CHORDC1: variants seen among roughly 807,000 people sequenced by gnomAD.
CHORDC1 encodes cysteine and histidine-rich domain-containing protein 1.
Under a neutral mutation model 48.3 loss-of-function variants are expected in CHORDC1, and 25 were observed. That is an observed-to-expected ratio of 0.52 (90% CI 0.38 to 0.72). The LOEUF (loss-of-function observed/expected upper bound fraction) is 0.72. CHORDC1 is among the 30% of genes least tolerant of loss of function. CHORDC1 has a pLI of 0.00. For synonymous variants in CHORDC1, 128 were observed against 126.4 expected, an observed-to-expected ratio of 1.01 and a Z score of -0.09; for missense variants, 317 against 388.7, an observed-to-expected ratio of 0.82 and a Z score of 1.55.
Position 90,203,333 on chromosome 11 carries a change from C to A in CHORDC1, c.764G>T (p.Ser255Ile). The A allele has an allele frequency of 6.3e-7, 1 of 1,596,438 alleles. No homozygotes were observed. Among genetic ancestry groups the A allele is most frequent in the Non-Finnish European group, 8.6e-7 (1 of 1,168,120 alleles). Reference protein sequence around the residue: ...VYAKNSLPELSRVEANSTLLN... With the variant: ...VYAKNSLPELIRVEANSTLLN... ...CAATGTGCTATTTGCTTCTACTCGG[C>A]TAAGTTCTGGAAGTGAGTTTTTAGC... is the stretch of plus-strand genomic sequence containing the variant. The change falls in exon 9 of 11, where the codon AGC (serine) becomes ATC (isoleucine). Residue 255 changes from serine to isoleucine, a missense_variant. Ser to Ile is a moderately radical substitution (Grantham distance 142, BLOSUM62 -2). Transcript: ENST00000320585.
intron 6 of CHORDC1, chr11:90,207,984 T>C (rs1376782237): frequency 1.3e-5 from 2 of 151,690 alleles, no homozygotes; most frequent in Non-Finnish European, 2.9e-5. Context: ...AGAGCCAACA[T>C]GACAGTTAAA....
chr11:90,206,291 GA>G lies in CHORDC1; in HGVS notation c.493-20del. The G allele has an allele frequency of 1.1e-5, 15 of 1,358,802 alleles. No individual in the cohort carries two copies. The highest frequency in any genetic ancestry group is 4.6e-5 in the East Asian group (2 of 43,456). 84.2% of individuals were successfully genotyped at this position (1,358,802 alleles called of 1,614,324 possible). A position where few individuals can be genotyped will look rare whatever the true frequency, so the allele number is the denominator to read the frequency against. ...GGTATGTCTAAAAAGGAAACAAAGA[GA>G]AAAAAAATTAGCTGCGTATCTTACA... On this transcript the variant is annotated intron_variant, in intron 6 of 10. Transcript: ENST00000320585.
At chr11:90,220,179 C>G (rs543642816) in intron 1 of CHORDC1, among the ~76,000 whole-genome samples, 9 of 152,216 alleles carry the variant, frequency 5.9e-5, no homozygotes, top group African/African-American at 2.2e-4. Context: ...ATTGAACACC[C>G]TTGCTCTATC....
intron 1 of CHORDC1, 95 bp from the exon 2 acceptor site, chr11:90,218,279 T>C: frequency 3.4e-6 from 3 of 888,030 alleles, no homozygotes; most frequent in Non-Finnish European, 3.3e-6. Context: ...CCTTTAATCC[T>C]TTTTCCAAAC....
rs1222653427 is a variant in CHORDC1, at chr11:90,201,821, T to C, written c.*584A>G. ...GCAAGTAATGTAAGTTTTGACATAA[T>C]TTAAAAATTCAAGTAGTTGTAAACA... On this transcript the variant is annotated 3_prime_UTR_variant, in exon 11 of 11. Transcript: ENST00000320585. 1.3e-5 allele frequency: 2 copies of C among 152,462 alleles called. No individual in the cohort carries two copies. The highest frequency in any genetic ancestry group is 2.4e-5 in the African/African-American group (1 of 41,448). 9.4% of individuals were successfully genotyped at this position (152,462 alleles called of 1,614,324 possible).
intron 1 of CHORDC1, among the ~76,000 whole-genome samples, chr11:90,221,086 G>A (rs554968409): frequency 1.3e-5 from 2 of 151,836 alleles, no homozygotes; most frequent in Non-Finnish European, 2.9e-5. Flanking sequence ...TTATGCCACA[G>A]CACCGAGAAA....
rs575649502 is a variant in CHORDC1 at position 90,203,455 on chromosome 11, T to TA, written c.670-29dup. 1.8e-3 allele frequency: 2,735 copies of TA among 1,497,504 alleles called. 5 individuals carry two copies. Among genetic ancestry groups the TA allele is most frequent in the Non-Finnish European group, 2.3e-3 (2,485 of 1,104,362 alleles). 92.8% of individuals were successfully genotyped at this position (1,497,504 alleles called of 1,614,324 possible). A position where few individuals can be genotyped will look rare whatever the true frequency, so the allele number is the denominator to read the frequency against. ...GTAATGTAAGAGAAACTCTGTAAGT[T>TA]AAAAAAGTGCCACATAATTAATTTC... On this transcript the variant is annotated intron_variant, in intron 8 of 10. Transcript: ENST00000320585.
chr11:90,210,536 CT>C lies in CHORDC1; in HGVS notation c.491del (p.Lys164ArgfsTer6). On this transcript the variant is annotated frameshift_variant and splice_region_variant, in exon 6 of 11. Transcript: ENST00000320585. LOFTEE classifies it high-confidence loss of function. ...GTSCKNGGCSKTYQGLESLEE... is the reference protein window; with the variant it reads ...GTSCKNGGCSXTYQGLESLEE... ...ACATCACAAATCTTGTGATATATAC[CT>C]TTGAACACCCTCCATTCTTACATGA... 2 of 1,583,346 alleles carry C rather than the reference CT, an allele frequency of 1.3e-6. No homozygotes were observed. Among genetic ancestry groups the C allele is most frequent in the South Asian group, 1.1e-5 (1 of 89,650 alleles).
At chr11:90,202,753 T>C in intron 10 of CHORDC1, 60 bp downstream of exon 10, 11 of 1,516,862 alleles carry the variant, frequency 7.3e-6, no homozygotes, top group Non-Finnish European at 9.8e-6. Flanking sequence ...GAATTGTCTT[T>C]TATTCTACAA....
chr11:90,202,620 C>T, intron 10 of CHORDC1, 69 bp from the exon 11 acceptor site: 4 of 1,534,158 alleles, frequency 2.6e-6, no homozygotes, highest in Non-Finnish European at 2.7e-6. Context: ...AAACATCAGA[C>T]TTGCTTATGC....
At chr11:90,214,952 TA>T (rs1231195875) in intron 3 of CHORDC1, among the ~76,000 whole-genome samples, 3 of 152,136 alleles carry the variant, frequency 2.0e-5, no homozygotes, top group African/African-American at 7.2e-5. Flanking sequence ...AGAACAAACC[TA>T]AAATGATAAG....
intron 2 of CHORDC1, among the ~76,000 whole-genome samples, chr11:90,215,753 G>C (rs962911536): frequency 1.3e-5 from 2 of 151,918 alleles, no homozygotes; most frequent in East Asian, 3.9e-4. Flanking sequence ...GAAGCATAAA[G>C]ACAGAGAAAC....
Position 90,223,023 on chromosome 11 carries a change from C to T in CHORDC1, c.-69G>A. ...GGCAAGAGGATGCGTTTGCCACTCC[C>T]GTGTCGCTAGCACCGGTCTGACGAC... On this transcript the variant is annotated 5_prime_UTR_variant, in exon 1 of 11. Coordinates refer to ENST00000320585, the MANE Select transcript of CHORDC1 (RefSeq NM_012124.3). 9 of 1,363,530 alleles carry T rather than the reference C, an allele frequency of 6.6e-6. No homozygotes were observed. The highest frequency in any genetic ancestry group is 2.3e-5 in the East Asian group (1 of 43,210). 84.5% of individuals were successfully genotyped at this position (1,363,530 alleles called of 1,614,324 possible). A position where few individuals can be genotyped will look rare whatever the true frequency, so the allele number is the denominator to read the frequency against.
At chr11:90,213,171 G>A (rs901974327) in intron 4 of CHORDC1, 4 of 401,684 alleles carry the variant, frequency 1.0e-5, no homozygotes, top group African/African-American at 8.1e-5. Context: ...TGTACTCAGA[G>A]TGCTAATGAA....
intron 6 of CHORDC1, chr11:90,208,872 C>T (rs1167516518): frequency 1.3e-5 from 2 of 152,158 alleles, no homozygotes; most frequent in Non-Finnish European, 1.5e-5. Flanking sequence ...CACACTCTAA[C>T]GTACAATCTA....
chr11:90,214,131 T>G lies in CHORDC1; in HGVS notation c.216A>C (p.Pro72=). The change falls in exon 4 of 11, where the codon CCA becomes CCC. Residue 72 remains proline (P), a synonymous_variant. Transcript: ENST00000320585. The stretch of plus-strand genomic sequence containing the variant: ...CAGTAGTCTTGACTTCAGGTTTGAC[T>G]GGCTCAGGTGGCTTCTCACTATTAT... ...GRHNSEKPPE[P]VKPEVKTTEK... The G allele has an allele frequency of 3.7e-6, 6 of 1,613,500 alleles. No homozygotes were observed. The highest frequency in any genetic ancestry group is 5.1e-6 in the Non-Finnish European group (6 of 1,179,554).
At chr11:90,215,318 G>A in intron 2 of CHORDC1, 88 bp from the exon 3 acceptor site, 1 of 790,654 alleles carries the variant, frequency 1.3e-6, no homozygotes, top group East Asian at 2.8e-5. Context: ...TTATCTACTT[G>A]AATCCTGCAG....
chr11:90,216,350 T>G, intron 2 of CHORDC1: 1 of 235,464 alleles, frequency 4.2e-6, no homozygotes, highest in Non-Finnish European at 8.4e-6. Flanking sequence ...TTAAGTTATG[T>G]GAATATAAGG....
rs368219551 is a variant in CHORDC1, at chr11:90,205,421, A to T, written c.669+39T>A. On this transcript the variant is annotated intron_variant, in intron 8 of 10. Coordinates refer to ENST00000320585, the MANE Select transcript of CHORDC1 (RefSeq NM_012124.3). ...AATCTTTAAAAAATGACTCAGATGA[A>T]TATAAACCCAGTGTGCTATTTTTGG... The T allele has an allele frequency of 1.5e-4, 165 of 1,128,726 alleles. 1 individual carries two copies. The highest frequency in any genetic ancestry group is 1.9e-4 in the Non-Finnish European group (145 of 759,342). The allele number at this position is 1,128,726 out of a possible 1,614,324, so 69.9% of individuals were successfully genotyped here.
Sources: gnomAD v4.1 joint callset for allele counts (sites outside exome capture counted in the v4.1 genomes callset) on GRCh38, gnomAD v4.1.1 for gene constraint, MANE v1.5 for transcripts, NCBI Gene and HGNC (gene_info 2026-07-23, HGNC 2026-07-21) for gene names.